The following ULK4 variants were observed in gnomAD, a reference collection of about 807,000 sequenced individuals.
ULK4 encodes the protein inactive serine/threonine-protein kinase ULK4.
In ULK4, 133 loss-of-function variants were observed where a neutral mutation model predicts 160.6. The ratio of observed to expected loss-of-function variants is 0.83; its 90% CI spans 0.72 to 0.96. ULK4 has a LOEUF of 0.96. Among genes scored for constraint, ULK4 ranks in the 40% least tolerant of loss-of-function variants. The probability of loss-of-function intolerance (pLI) is 0.00; values close to 1 mark genes in which losing one functional copy is unlikely to be tolerated. For synonymous variants in ULK4, 534 were observed against 539.8 expected (o/e 0.99, Z 0.15); for missense variants, 1,580 against 1,499.5 (o/e 1.05, Z -0.89).
chr3:41,501,291 A>T, intron 32 of ULK4, among the ~76,000 whole-genome samples: 1 of 152,138 alleles, frequency 6.6e-6, no homozygotes. Flanking sequence ...AGGTCAGGAG[A>T]TCAAGACCAT....
intron 35 of ULK4, among the ~76,000 whole-genome samples, chr3:41,345,575 G>A (rs1198750452): frequency 6.6e-6 from 1 of 152,164 alleles, no homozygotes; most frequent in East Asian, 1.9e-4. Flanking sequence ...GCTGAATGAT[G>A]AGAACATATG....
intron 32 of ULK4, among the ~76,000 whole-genome samples, chr3:41,530,795 C>T (rs1417832678): frequency 3.3e-5 from 5 of 152,042 alleles, no homozygotes; most frequent in African/African-American, 1.2e-4. Context: ...GACGGAGTCT[C>T]GCTCTGTTGC....
intron 32 of ULK4, among the ~76,000 whole-genome samples, chr3:41,509,033 T>A (rs1213589636): frequency 6.6e-6 from 1 of 151,902 alleles, no homozygotes; most frequent in Non-Finnish European, 1.5e-5. Flanking sequence ...CAAGGAGGCA[T>A]CAGAGAAAGG....
At chr3:41,607,684 T>C (rs1408356306) in intron 31 of ULK4, among the ~76,000 whole-genome samples, 1 of 152,130 alleles carries the variant, frequency 6.6e-6, no homozygotes, top group African/African-American at 2.4e-5. Context: ...TATTATAAAG[T>C]TGGGGAGAAA....
At chr3:41,771,985 C>A (rs2039400091) in intron 21 of ULK4, among the ~76,000 whole-genome samples, 1 of 152,196 alleles carries the variant, frequency 6.6e-6, no homozygotes, top group African/African-American at 2.4e-5. Flanking sequence ...TACCCTCCGT[C>A]TATCCTCAGA....
chr3:41,498,585 T>C (rs1178353866), intron 32 of ULK4, among the ~76,000 whole-genome samples: 1 of 151,568 alleles, frequency 6.6e-6, no homozygotes, highest in Non-Finnish European at 1.5e-5. Flanking sequence ...TCTTTTTTTT[T>C]TTTTTGCTTT....
chr3:41,927,413 T>A (rs1264294330), intron 5 of ULK4, among the ~76,000 whole-genome samples: 1 of 151,992 alleles, frequency 6.6e-6, no homozygotes, highest in Non-Finnish European at 1.5e-5. Flanking sequence ...GTAAAGACCA[T>A]CAACACTGTG....
chr3:41,831,831 A>T (rs1483182720), intron 18 of ULK4, among the ~76,000 whole-genome samples: 1 of 152,114 alleles, frequency 6.6e-6, no homozygotes, highest in East Asian at 1.9e-4. Flanking sequence ...TAGTTTGCTG[A>T]GGATGATGGC....
At chr3:41,582,247 C>T (rs532305392) in intron 31 of ULK4, among the ~76,000 whole-genome samples, 2 of 152,178 alleles carry the variant, frequency 1.3e-5, no homozygotes, top group East Asian at 1.9e-4. Flanking sequence ...ATGTGTCTTT[C>T]GCCTTCTGCC....
chr3:41,762,655 C>CGTTT (rs538388454), intron 21 of ULK4, among the ~76,000 whole-genome samples: 41 of 88,968 alleles, frequency 4.6e-4, no homozygotes, highest in African/African-American at 1.8e-3. Context: ...AAGTGTTACA[C>CGTTT]TTTTTTTTTT....
At chr3:41,888,888 C>A (rs935161641) in intron 16 of ULK4, among the ~76,000 whole-genome samples, 2 of 152,128 alleles carry the variant, frequency 1.3e-5, no homozygotes, top group South Asian at 2.1e-4. Flanking sequence ...TTAAAGTCAA[C>A]CAGTCAGCAG....
At chr3:41,272,039 C>A (rs892785044) in intron 35 of ULK4, among the ~76,000 whole-genome samples, 1 of 152,176 alleles carries the variant, frequency 6.6e-6, no homozygotes, top group Non-Finnish European at 1.5e-5. Context: ...GCCTCAGCCT[C>A]CGGAGTAGCT....
At chr3:41,913,515 G>A (rs192768860) in intron 8 of ULK4, among the ~76,000 whole-genome samples, 3 of 152,230 alleles carry the variant, frequency 2.0e-5, no homozygotes, top group Non-Finnish European at 2.9e-5. Context: ...GTGAGCCACC[G>A]TGCTCAGCGT....
chr3:41,918,632 T>C (rs561792272), intron 6 of ULK4, 92 bp from the exon 7 acceptor site: 127 of 674,462 alleles, frequency 1.9e-4, no homozygotes, highest in African/African-American at 1.5e-3. Flanking sequence ...GATGGAGTCT[T>C]GCTCTGTCAC....
At chr3:41,479,012 A>G (rs1475313327) in intron 32 of ULK4, among the ~76,000 whole-genome samples, 2 of 152,262 alleles carry the variant, frequency 1.3e-5, no homozygotes, top group African/African-American at 4.8e-5. Context: ...GATGCAGAGA[A>G]GAAAATCCTC....
chr3:41,684,799 T>C (rs2036045536), intron 27 of ULK4, among the ~76,000 whole-genome samples: 1 of 152,252 alleles, frequency 6.6e-6, no homozygotes, highest in East Asian at 1.9e-4. Context: ...ATTGAGTAGC[T>C]ATTGAAACTA....
At chr3:41,793,269 C>T (rs914341568) in intron 20 of ULK4, among the ~76,000 whole-genome samples, 4 of 151,922 alleles carry the variant, frequency 2.6e-5, no homozygotes, top group East Asian at 1.9e-4. Flanking sequence ...AAATTTACTT[C>T]GAAAAGAACA....
At chr3:41,664,032 T>C (rs1175692609) in intron 29 of ULK4, among the ~76,000 whole-genome samples, 1 of 152,098 alleles carries the variant, frequency 6.6e-6, no homozygotes, top group Non-Finnish European at 1.5e-5. Flanking sequence ...GACTCTGAAA[T>C]AAATTTATGA....
intron 32 of ULK4, among the ~76,000 whole-genome samples, chr3:41,476,732 C>CT (rs910220925): frequency 1.3e-5 from 2 of 151,956 alleles, no homozygotes; most frequent in Non-Finnish European, 1.5e-5. Flanking sequence ...ATGCATAGCC[C>CT]TTTTTTTAAT....
Sources: allele counts gnomAD v4.1 joint callset (sites outside exome capture counted in the v4.1 genomes callset), GRCh38; gene constraint gnomAD v4.1.1; transcripts MANE v1.5; gene names NCBI Gene and HGNC (gene_info 2026-07-23, HGNC 2026-07-21).